POLN: variants seen among roughly 807,000 people sequenced by gnomAD.
The protein encoded by POLN is DNA polymerase N.
A neutral mutation model predicts 113.5 loss-of-function variants in POLN; 108 were observed. The ratio of observed to expected loss-of-function variants is 0.95; its 90% CI spans 0.81 to 1.12. The LOEUF is 1.12. Among genes scored for constraint, POLN ranks in the 50% most tolerant of loss-of-function variants. The pLI is 0.00. For missense variants in POLN, 1,097 were observed against 1,077.1 expected, an observed-to-expected ratio of 1.02 and a Z score of -0.26; for synonymous variants, 386 against 391.5, an observed-to-expected ratio of 0.99 and a Z score of 0.17.
At chr4:2,205,034 C>T (rs1035372745) in intron 5 of POLN, among the ~76,000 whole-genome samples, 1 of 152,180 alleles carries the variant, frequency 6.6e-6, no homozygotes, top group Non-Finnish European at 1.5e-5. Flanking sequence ...TGGAACAAGA[C>T]AAGGATGCCC....
At chr4:2,113,242 G>C (rs1397718136) in intron 19 of POLN, among the ~76,000 whole-genome samples, 2 of 120,076 alleles carry the variant, frequency 1.7e-5, no homozygotes, top group Admixed American at 9.0e-5. Context: ...GTTGCAGGGT[G>C]GGGGGAGGGG....
At chr4:2,107,820 T>C (rs1731102423) in intron 19 of POLN, among the ~76,000 whole-genome samples, 1 of 152,186 alleles carries the variant, frequency 6.6e-6, no homozygotes, top group Non-Finnish European at 1.5e-5. Context: ...CCTGGAATGC[T>C]TGCCTGAGGT....
chr4:2,210,962 T>TAAAA (rs1209467303), intron 4 of POLN, among the ~76,000 whole-genome samples: 12 of 144,062 alleles, frequency 8.3e-5, no homozygotes, highest in East Asian at 4.2e-4. Context: ...AATAAATAAA[T>TAAAA]AAAATAGTCC....
intron 25 of POLN, among the ~76,000 whole-genome samples, chr4:2,072,526 C>A (rs924836508): frequency 6.6e-6 from 1 of 152,238 alleles, no homozygotes. Context: ...TCGATCTTGG[C>A]GGAGGTTCCC....
At chr4:2,106,201 A>G (rs1731062475) in intron 19 of POLN, among the ~76,000 whole-genome samples, 1 of 152,244 alleles carries the variant, frequency 6.6e-6, no homozygotes, top group Admixed American at 6.5e-5. Flanking sequence ...TCTGTCCTGC[A>G]GCTGTGGAGA....
chr4:2,209,657 C>CTTTTTTTTTTTTTT, intron 4 of POLN, among the ~76,000 whole-genome samples: 1 of 108,430 alleles, frequency 9.2e-6, no homozygotes, highest in Non-Finnish European at 1.8e-5. Context: ...TTTCCTTTTC[C>CTTTTTTTTTTTTTT]TTTTTTTTTT....
At chr4:2,136,450 C>T (rs1731859220) in intron 16 of POLN, among the ~76,000 whole-genome samples, 1 of 152,186 alleles carries the variant, frequency 6.6e-6, no homozygotes, top group African/African-American at 2.4e-5. Flanking sequence ...GGGGAAAGTG[C>T]CAGCCATGTG....
At chr4:2,197,306 G>A (rs1439581558) in intron 6 of POLN, among the ~76,000 whole-genome samples, 4 of 152,218 alleles carry the variant, frequency 2.6e-5, no homozygotes, top group South Asian at 2.1e-4. Flanking sequence ...CTTGTGCCGA[G>A]TAACAGCAAC....
Position 2,134,635 on chromosome 4 carries a change from T to C in POLN, c.1732-3345A>G, listed in dbSNP as rs576315303. ...TTGATACCACGACTTCTCCTCATCC[T>C]TCAAATCTGCACACAAGCAGACTTC... On this transcript the variant is annotated intron_variant, in intron 16 of 25. Coordinates refer to ENST00000511885, the MANE Select transcript of POLN (RefSeq NM_181808.4). 2.0e-5 allele frequency among the ~76,000 whole-genome samples: 3 copies of C among 152,316 alleles called. No individual in the cohort carries two copies. The East Asian group carries it at 5.8e-4, about 29-fold the overall frequency.
At chr4:2,096,710 G>GAGAGAGAA (rs1730801588) in intron 19 of POLN, among the ~76,000 whole-genome samples, 1 of 151,800 alleles carries the variant, frequency 6.6e-6, no homozygotes, top group Non-Finnish European at 1.5e-5. Context: ...GAGAGAGAGA[G>GAGAGAGAA]AGAGAGAGAG....
intron 19 of POLN, among the ~76,000 whole-genome samples, chr4:2,103,797 G>A (rs1002331300): frequency 6.6e-6 from 1 of 152,178 alleles, no homozygotes; most frequent in Non-Finnish European, 1.5e-5. Context: ...AGAATGGGAT[G>A]ACATATTCAA....
intron 13 of POLN, among the ~76,000 whole-genome samples, chr4:2,168,598 G>A (rs1732786444): frequency 6.6e-6 from 1 of 152,224 alleles, no homozygotes; most frequent in Non-Finnish European, 1.5e-5. Context: ...TGCACTGTTG[G>A]TTGTCTGGAG....
intron 4 of POLN, among the ~76,000 whole-genome samples, chr4:2,212,066 C>A (rs879261270): frequency 2.0e-5 from 3 of 152,080 alleles, no homozygotes; most frequent in African/African-American, 7.2e-5. Flanking sequence ...AGAGACAGGT[C>A]CTATTATCTC....
At chr4:2,173,075 T>C (rs1732903878) in intron 11 of POLN, among the ~76,000 whole-genome samples, 1 of 152,136 alleles carries the variant, frequency 6.6e-6, no homozygotes, top group African/African-American at 2.4e-5. Context: ...CTAAACTACA[T>C]TGCTTAGGCT....
chr4:2,156,797 G>A lies in POLN; in HGVS notation c.1722C>T (p.Ala574=). 2 of 1,612,146 alleles carry A rather than the reference G, an allele frequency of 1.2e-6. No individual in the cohort carries two copies. Among genetic ancestry groups the A allele is most frequent in the East Asian group, 4.5e-5 (2 of 44,876 alleles). The change falls in exon 16 of 26, where the codon GCC becomes GCT. Residue 574 remains alanine (A), a synonymous_variant. Transcript: ENST00000511885. ...QTGTVTGRLS[A]KHPNIQGISK... The stretch of plus-strand genomic sequence containing the variant: ...TGTTTAAACAACTTACAGGATGCTT[G>A]GCTGAAAGTCTTCCAGTCACAGTTC...
At chr4:2,186,656 C>A (rs910744594) in intron 7 of POLN, among the ~76,000 whole-genome samples, 1 of 152,082 alleles carries the variant, frequency 6.6e-6, no homozygotes, top group African/African-American at 2.4e-5. Context: ...CCAAAACAAA[C>A]CAGACAGAGA....
At chr4:2,204,389 A>T (rs1351608660) in intron 5 of POLN, among the ~76,000 whole-genome samples, 4 of 152,216 alleles carry the variant, frequency 2.6e-5, no homozygotes, top group Non-Finnish European at 5.9e-5. Flanking sequence ...AATTTAAATC[A>T]GGAAGAATTA....
intron 24 of POLN, among the ~76,000 whole-genome samples, chr4:2,074,685 G>A (rs1266965229): frequency 1.3e-5 from 2 of 152,148 alleles, no homozygotes; most frequent in African/African-American, 4.8e-5. Context: ...CCACTCGAGA[G>A]TTGGTGCCTG....
intron 19 of POLN, among the ~76,000 whole-genome samples, chr4:2,105,632 G>C (rs1014092872): frequency 1.3e-5 from 2 of 152,062 alleles, no homozygotes; most frequent in Non-Finnish European, 2.9e-5. Flanking sequence ...CAGAAATAGG[G>C]AATAACTGGT....
Sources: gnomAD v4.1 joint callset for allele counts (sites outside exome capture counted in the v4.1 genomes callset) on GRCh38, gnomAD v4.1.1 for gene constraint, MANE v1.5 for transcripts, NCBI Gene and HGNC (gene_info 2026-07-23, HGNC 2026-07-21) for gene names.